The following TLCD4 variants were observed in gnomAD, a reference collection of about 807,000 sequenced individuals.
The protein encoded by TLCD4 is TLC domain containing 4.
A neutral mutation model predicts 24.2 loss-of-function variants in TLCD4; 7 were observed. The observed-to-expected ratio is 0.29, with a 90% CI of 0.16 to 0.54. TLCD4 has a LOEUF of 0.54. Among genes scored for constraint, TLCD4 ranks in the 20% least tolerant of loss-of-function variants. The pLI is 0.95. For missense variants in TLCD4, 259 were observed against 313.9 expected (o/e 0.82, Z 1.32); for synonymous variants, 103 against 106.4 (o/e 0.97, Z 0.20).
chr1:95,122,240 G>C lies in TLCD4; in HGVS notation c.-12+4623G>C, dbSNP rs908268201. Among the ~76,000 whole-genome samples, 15 of 152,310 alleles carry C rather than the reference G, an allele frequency of 9.8e-5. 1 individual carries two copies. The highest frequency in any genetic ancestry group is 9.1e-4 in the Admixed American group (14 of 15,302). ...CCACACATGGTGGCATGTGCCTGTAGTCCCAGCTATTCGGGAGGCTGAGGC... is the reference window on the plus strand; with the variant it reads ...CCACACATGGTGGCATGTGCCTGTACTCCCAGCTATTCGGGAGGCTGAGGC... On this transcript the variant is annotated intron_variant, in intron 1 of 6. Coordinates refer to ENST00000370203, the MANE Select transcript of TLCD4 (RefSeq NM_152487.3).
At chr1:95,158,092 A>G (rs938145647) in intron 5 of TLCD4, among the ~76,000 whole-genome samples, 2 of 151,998 alleles carry the variant, frequency 1.3e-5, no homozygotes, top group Non-Finnish European at 2.9e-5. Context: ...CTTCCTCCCA[A>G]TGTAGTTAGG....
At chr1:95,114,830 A>G (rs74833855), upstream of TLCD4, among the ~76,000 whole-genome samples, 1 of 145,486 alleles carries the variant, frequency 6.9e-6, no homozygotes, top group Non-Finnish European at 1.5e-5. Context: ...TGTCTCAAAG[A>G]AAAAAAAAAA....
chr1:95,151,412 T>G lies in TLCD4; in HGVS notation c.392T>G (p.Leu131Arg). The change falls in exon 5 of 7, where the codon CTT (leucine) becomes CGT (arginine). Residue 131 changes from leucine (L) to arginine (R), a missense_variant. Physicochemically the swap from Leu to Arg is moderately radical, Grantham distance 102 (BLOSUM62 -2). Coordinates refer to ENST00000370203, the MANE Select transcript of TLCD4 (RefSeq NM_152487.3). ...HHCASLYAYYLVLKNGVLAYI... is the reference protein window; with the variant it reads ...HHCASLYAYYRVLKNGVLAYI... ...TGTGCGTCCCTGTATGCATACTACC[T>G]TGTACTGGTGAGTTCCAGGATTTTC... 2 of 1,612,832 alleles carry G rather than the reference T, an allele frequency of 1.2e-6. No homozygotes were observed. The highest frequency in any genetic ancestry group is 1.3e-5 in the African/African-American group (1 of 74,996).
chr1:95,096,769 T>A, the TLCD4 span, among the ~76,000 whole-genome samples: 1 of 152,288 alleles, frequency 6.6e-6, no homozygotes, highest in South Asian at 2.1e-4. Flanking sequence ...TGCTCCTTTT[T>A]GATATAGCAG....
chr1:95,129,377 A>G lies in TLCD4; in HGVS notation c.-12+11760A>G, dbSNP rs560846699. 3.9e-5 allele frequency among the ~76,000 whole-genome samples: 6 copies of G among 152,346 alleles called. No homozygotes were observed. In the East Asian group the frequency reaches 7.7e-4, roughly 20 times the overall value. On this transcript the variant is annotated intron_variant, in intron 1 of 6. Transcript: ENST00000370203. The stretch of plus-strand genomic sequence containing the variant: ...GTATTTTAGTCGACAGGGAGGAACC[A>G]TAGAGAAATCTTTTCTATAGCCATG...
the TLCD4 span, among the ~76,000 whole-genome samples, chr1:95,103,103 T>C: frequency 6.6e-6 from 1 of 152,066 alleles, no homozygotes. Flanking sequence ...CTCAGCCTCC[T>C]GAGTAGCTGA....
At chr1:95,110,522 A>C in the TLCD4 span, among the ~76,000 whole-genome samples, 1 of 152,144 alleles carries the variant, frequency 6.6e-6, no homozygotes, top group Non-Finnish European at 1.5e-5. Context: ...AAAATATGTA[A>C]TCTTTTTGTC....
the TLCD4 span, among the ~76,000 whole-genome samples, chr1:95,107,178 C>T: frequency 2.0e-5 from 3 of 152,152 alleles, no homozygotes; most frequent in Non-Finnish European, 4.4e-5. Context: ...AATCCCAGCA[C>T]TTTGGGAGGC....
chr1:95,151,521 A>C, intron 5 of TLCD4, 102 bp downstream of exon 5: 1 of 1,369,738 alleles, frequency 7.3e-7, no homozygotes, highest in Admixed American at 2.3e-5. Flanking sequence ...GTTTTTAAAG[A>C]CCATCTCCAG....
chr1:95,196,837 CTG>C lies in TLCD4; in HGVS notation c.*4973_*4974del, dbSNP rs1679219921. The stretch of plus-strand genomic sequence containing the variant: ...GGTATAGCTGTATATAGAATGTGCT[CTG>C]TGTTTTTCTGTTTCCTGCTTGGTTT... On this transcript the variant is annotated 3_prime_UTR_variant, in exon 7 of 7. Coordinates refer to ENST00000370203, the MANE Select transcript of TLCD4 (RefSeq NM_152487.3). The C allele has an allele frequency of 6.6e-6, 1 of 152,062 alleles. No homozygotes were observed. Among genetic ancestry groups the C allele is most frequent in the Non-Finnish European group, 1.5e-5 (1 of 68,016 alleles). The allele number at this position is 152,062 out of a possible 1,614,324, so 9.4% of individuals were successfully genotyped here. A position where few individuals can be genotyped will look rare whatever the true frequency, so the allele number is the denominator to read the frequency against.
intron 1 of TLCD4, among the ~76,000 whole-genome samples, chr1:95,126,545 T>C (rs1038789355): frequency 6.6e-6 from 1 of 152,214 alleles, no homozygotes; most frequent in Non-Finnish European, 1.5e-5. Context: ...CAGTGATTTA[T>C]TATTTCCTGT....
intron 5 of TLCD4, among the ~76,000 whole-genome samples, chr1:95,161,030 A>G (rs1245175173): frequency 6.6e-6 from 1 of 152,040 alleles, no homozygotes; most frequent in Non-Finnish European, 1.5e-5. Context: ...AATAAGTTAG[A>G]GAGGATTCCC....
intron 5 of TLCD4, among the ~76,000 whole-genome samples, chr1:95,166,838 C>T (rs1447626993): frequency 6.6e-6 from 1 of 152,124 alleles, no homozygotes; most frequent in African/African-American, 2.4e-5. Context: ...AAGTGATCCT[C>T]CTGCCTCAGC....
At chr1:95,137,450 A>AGAGG (rs1325171221) in intron 1 of TLCD4, among the ~76,000 whole-genome samples, 1 of 152,068 alleles carries the variant, frequency 6.6e-6, no homozygotes, top group African/African-American at 2.4e-5. Context: ...AAAATGAAGG[A>AGAGG]GAGGGGTTAT....
At chr1:95,146,047 A>G (rs1201899604) in intron 2 of TLCD4, among the ~76,000 whole-genome samples, 3 of 152,092 alleles carry the variant, frequency 2.0e-5, no homozygotes, top group Non-Finnish European at 2.9e-5. Flanking sequence ...ATATGTATAA[A>G]TGTCTTAAAA....
chr1:95,113,986 A>AG (rs1676386059), upstream of TLCD4, among the ~76,000 whole-genome samples: 1 of 152,212 alleles, frequency 6.6e-6, no homozygotes, highest in Non-Finnish European at 1.5e-5. Flanking sequence ...CCACCCAGAA[A>AG]TAACCACTGG....
chr1:95,120,784 A>G (rs1676547074), intron 1 of TLCD4, among the ~76,000 whole-genome samples: 1 of 152,224 alleles, frequency 6.6e-6, no homozygotes, highest in African/African-American at 2.4e-5. Context: ...CATAGCAAGT[A>G]TATGTGTATG....
intron 1 of TLCD4, among the ~76,000 whole-genome samples, chr1:95,126,195 G>A (rs927839774): frequency 1.3e-5 from 2 of 151,872 alleles, no homozygotes; most frequent in African/African-American, 4.8e-5. Context: ...GGGAGGCTGA[G>A]GTGAGTGGAT....
chr1:95,139,971 C>T (rs916714525), intron 1 of TLCD4, among the ~76,000 whole-genome samples: 1 of 152,166 alleles, frequency 6.6e-6, no homozygotes, highest in Non-Finnish European at 1.5e-5. Flanking sequence ...TCCACCTCCA[C>T]ATCTTGTCCC....
Sources: allele counts gnomAD v4.1 joint callset (sites outside exome capture counted in the v4.1 genomes callset), GRCh38; gene constraint gnomAD v4.1.1; transcripts MANE v1.5; gene names NCBI Gene and HGNC (gene_info 2026-07-23, HGNC 2026-07-21).